DOCK4: variants seen among roughly 807,000 people sequenced by gnomAD.
DOCK4 encodes dedicator of cytokinesis 4, also known as dedicator of cytokinesis protein 4.
DOCK4 carries 97 observed loss-of-function variants against 268.1 expected under a neutral mutation model. The observed-to-expected ratio is 0.36, with a 90% CI of 0.31 to 0.43. The LOEUF is 0.43. Among genes scored for constraint, DOCK4 ranks in the 20% least tolerant of loss-of-function variants. The probability of loss-of-function intolerance (pLI) is 1.00; values close to 1 mark genes in which losing one functional copy is unlikely to be tolerated. For synonymous variants in DOCK4, 954 were observed against 887.2 expected, an observed-to-expected ratio of 1.08 and a Z score of -1.34; for missense variants, 2,145 against 2,455.7, an observed-to-expected ratio of 0.87 and a Z score of 2.67.
chr7:112,042,180 G>A (rs1020506779), intron 1 of DOCK4, among the ~76,000 whole-genome samples: 2 of 152,066 alleles, frequency 1.3e-5, no homozygotes, highest in East Asian at 1.9e-4. Flanking sequence ...TTGATGGAAC[G>A]AAAATAATAG....
intron 22 of DOCK4, among the ~76,000 whole-genome samples, chr7:111,864,759 T>C (rs1344562078): frequency 6.6e-6 from 1 of 152,240 alleles, no homozygotes; most frequent in African/African-American, 2.4e-5. Context: ...ACAGCCTGCA[T>C]TTATATAACC....
intron 8 of DOCK4, among the ~76,000 whole-genome samples, chr7:111,962,640 T>A (rs1364176085): frequency 6.8e-6 from 1 of 146,796 alleles, no homozygotes; most frequent in Non-Finnish European, 1.5e-5. Flanking sequence ...TATTTCCATA[T>A]TTAAAAAAAT....
intron 1 of DOCK4, among the ~76,000 whole-genome samples, chr7:112,166,236 A>G (rs1817599248): frequency 6.6e-6 from 1 of 152,188 alleles, no homozygotes; most frequent in South Asian, 2.1e-4. Context: ...AATAAAGAAA[A>G]AACTGCCAAG....
intron 12 of DOCK4, among the ~76,000 whole-genome samples, chr7:111,933,650 T>C (rs942841762): frequency 2.0e-5 from 3 of 152,088 alleles, no homozygotes; most frequent in Non-Finnish European, 4.4e-5. Flanking sequence ...AGTAGTTCCA[T>C]GTTGTATTTC....
At chr7:112,190,312 C>T (rs910046272) in intron 1 of DOCK4, among the ~76,000 whole-genome samples, 1 of 152,294 alleles carries the variant, frequency 6.6e-6, no homozygotes, top group Non-Finnish European at 1.5e-5. Flanking sequence ...AGTTTCAAAA[C>T]AGCAGCAGCA....
At chr7:111,771,998 G>A (rs1798151919) in intron 36 of DOCK4, among the ~76,000 whole-genome samples, 1 of 152,202 alleles carries the variant, frequency 6.6e-6, no homozygotes, top group African/African-American at 2.4e-5. Flanking sequence ...GAAGACTGAG[G>A]AATGTCCTTC....
At chr7:112,194,243 G>A (rs554447305) in intron 1 of DOCK4, among the ~76,000 whole-genome samples, 2 of 152,308 alleles carry the variant, frequency 1.3e-5, no homozygotes, top group Non-Finnish European at 2.9e-5. Context: ...TGGGTCCATA[G>A]TCCAACAGGA....
At chr7:112,058,647 T>A (rs1359920430) in intron 1 of DOCK4, among the ~76,000 whole-genome samples, 1 of 152,134 alleles carries the variant, frequency 6.6e-6, no homozygotes, top group Non-Finnish European at 1.5e-5. Context: ...GCAAGAGCCT[T>A]GATTGTGGGT....
chr7:111,989,189 T>G (rs1187091665), intron 5 of DOCK4, 26 bp from the exon 6 acceptor site: 2 of 1,613,292 alleles, frequency 1.2e-6, no homozygotes, highest in Admixed American at 1.7e-5. Flanking sequence ...ATGTGGAGAT[T>G]TGGCAGTCAG....
rs180742326 is a variant in DOCK4 at position 111,997,158 on chromosome 7, T to G, written c.218+1290A>C. ...CTGGAGTGTATTCTGAAGTATCCTC[T>G]GGTTTACTGGAGGGAGGCTGAATGG... On this transcript the variant is annotated intron_variant, in intron 4 of 52. Coordinates refer to ENST00000428084, the MANE Select transcript of DOCK4 (RefSeq NM_001363540.2). 2.7e-4 allele frequency among the ~76,000 whole-genome samples: 41 copies of G among 152,204 alleles called. 1 individual carries two copies. Among genetic ancestry groups the G allele is most frequent in the African/African-American group, 9.4e-4 (39 of 41,460 alleles).
At chr7:111,736,221 C>G (rs1471544096) in intron 50 of DOCK4, among the ~76,000 whole-genome samples, 1 of 152,150 alleles carries the variant, frequency 6.6e-6, no homozygotes, top group Admixed American at 6.5e-5. Flanking sequence ...TCATTAACGA[C>G]TCTTGATTTA....
chr7:111,877,305 T>C, intron 16 of DOCK4, 119 bp from the exon 17 acceptor site: 9 of 929,840 alleles, frequency 9.7e-6, no homozygotes, highest in Non-Finnish European at 1.3e-5. Context: ...GTATTACAAG[T>C]AGAATTTGGT....
chr7:112,115,487 G>T (rs2115782988), intron 1 of DOCK4, among the ~76,000 whole-genome samples: 1 of 152,238 alleles, frequency 6.6e-6, no homozygotes, highest in East Asian at 1.9e-4. Context: ...TCTGACTATT[G>T]TTCTGTTTAT....
intron 1 of DOCK4, among the ~76,000 whole-genome samples, chr7:112,201,215 G>A (rs139731755): frequency 7.2e-5 from 11 of 152,190 alleles, no homozygotes; most frequent in African/African-American, 2.2e-4. Context: ...GTATGAATAC[G>A]AGAAGGTGCA....
At chr7:112,151,903 G>C (rs767326171) in intron 1 of DOCK4, among the ~76,000 whole-genome samples, 3 of 150,386 alleles carry the variant, frequency 2.0e-5, no homozygotes, top group Non-Finnish European at 2.9e-5. Context: ...AGGAAGAGCA[G>C]CCACACAAAA....
intron 1 of DOCK4, among the ~76,000 whole-genome samples, chr7:112,057,715 C>A (rs1459624108): frequency 1.3e-5 from 2 of 151,846 alleles, no homozygotes; most frequent in Non-Finnish European, 2.9e-5. Flanking sequence ...TTCAAGGCTG[C>A]AGTGAGCTAT....
chr7:112,015,261 C>T (rs1801718604), intron 1 of DOCK4, among the ~76,000 whole-genome samples: 1 of 152,194 alleles, frequency 6.6e-6, no homozygotes, highest in African/African-American at 2.4e-5. Flanking sequence ...ACAATTTACA[C>T]ATGTTATGGC....
intron 12 of DOCK4, among the ~76,000 whole-genome samples, chr7:111,926,531 G>C (rs992406314): frequency 6.8e-6 from 1 of 147,356 alleles, no homozygotes; most frequent in African/African-American, 2.6e-5. Context: ...GAAAGAAAAA[G>C]AGAAAGAGAA....
At chr7:112,092,383 A>C (rs1024036277) in intron 1 of DOCK4, among the ~76,000 whole-genome samples, 1 of 152,168 alleles carries the variant, frequency 6.6e-6, no homozygotes, top group Non-Finnish European at 1.5e-5. Context: ...AAATATTTTT[A>C]CCAATACTTC....
Sources: gnomAD v4.1 joint callset for allele counts (sites outside exome capture counted in the v4.1 genomes callset) on GRCh38, gnomAD v4.1.1 for gene constraint, MANE v1.5 for transcripts, NCBI Gene and HGNC (gene_info 2026-07-23, HGNC 2026-07-21) for gene names.